The following DPYD variants were observed in gnomAD, a reference collection of about 807,000 sequenced individuals.
DPYD encodes the protein dihydropyrimidine dehydrogenase [NADP(+)].
In DPYD, 109 loss-of-function variants were observed where a neutral mutation model predicts 116.2. The ratio of observed to expected loss-of-function variants is 0.94; its 90% confidence interval spans 0.80 to 1.10. The LOEUF is 1.10. Ranked by LOEUF, DPYD falls within the 50% of genes least tolerant of loss-of-function variation. The pLI is 0.00. For missense variants in DPYD, 1,302 were observed against 1,254.5 expected, an observed-to-expected ratio of 1.04 and a Z score of -0.57; for synonymous variants, 440 against 432.0, an observed-to-expected ratio of 1.02 and a Z score of -0.23.
At chr1:97,901,340 G>A (rs916904793) in intron 1 of DPYD, among the ~76,000 whole-genome samples, 6 of 151,758 alleles carry the variant, frequency 4.0e-5, no homozygotes, top group African/African-American at 7.3e-5. Flanking sequence ...TCAATTTTGC[G>A]CTGGTGCAGC....
intron 13 of DPYD, among the ~76,000 whole-genome samples, chr1:97,457,670 A>C (rs1323388541): frequency 1.3e-5 from 2 of 152,156 alleles, no homozygotes; most frequent in Non-Finnish European, 2.9e-5. Flanking sequence ...AAGTTGTGGG[A>C]GTTCAGGTGA....
chr1:97,132,783 A>G (rs906416080), intron 20 of DPYD, among the ~76,000 whole-genome samples: 2 of 152,102 alleles, frequency 1.3e-5, no homozygotes, highest in African/African-American at 4.8e-5. Flanking sequence ...AATGACTACT[A>G]TTTCATTAGT....
chr1:97,799,379 A>G (rs1048094894), intron 3 of DPYD, among the ~76,000 whole-genome samples: 3 of 152,024 alleles, frequency 2.0e-5, no homozygotes, highest in Admixed American at 2.0e-4. Flanking sequence ...ATGATCAATC[A>G]GCAAGTTTTC....
At position 97,203,412 on chromosome 1, in the gene DPYD, G is replaced by A. The variant is rs138966767; in HGVS notation, c.2443-10164C>T. ...ATACCAGATAGAGTTTGATCACAGAGGAGAAGTCATAATGCCTAGAGAGAA... is the reference window on the plus strand; with the variant it reads ...ATACCAGATAGAGTTTGATCACAGAAGAGAAGTCATAATGCCTAGAGAGAA... On this transcript the variant is annotated intron_variant, in intron 19 of 22. Coordinates refer to ENST00000370192, the MANE Select transcript of DPYD (RefSeq NM_000110.4). Among the ~76,000 whole-genome samples the A allele has an allele frequency of 6.2e-3, 916 of 147,324 alleles. 9 individuals are homozygous for A. Among genetic ancestry groups the A allele is most frequent in the Middle Eastern group, 0.01 (3 of 286 alleles).
At chr1:97,457,931 A>G (rs1290474884) in intron 13 of DPYD, among the ~76,000 whole-genome samples, 2 of 152,174 alleles carry the variant, frequency 1.3e-5, no homozygotes, top group Non-Finnish European at 1.5e-5. Flanking sequence ...TTTAGTGCTG[A>G]TATCAGATGG....
chr1:97,134,011 AAAAATATATATATATATATATATATATAT>A (rs1353190712), intron 20 of DPYD, among the ~76,000 whole-genome samples: 7 of 35,194 alleles, frequency 2.0e-4, no homozygotes, highest in South Asian at 2.2e-3. Context: ...AAAAAAAAAA[AAAAATATATATATATATATATATATATAT>A]ATATATATAT....
intron 8 of DPYD, among the ~76,000 whole-genome samples, chr1:97,648,689 T>C (rs1432422970): frequency 6.6e-6 from 1 of 152,080 alleles, no homozygotes; most frequent in Non-Finnish European, 1.5e-5. Context: ...ATTTGTTTTA[T>C]GCCAGGCATT....
chr1:97,207,875 T>G (rs1202599682), intron 19 of DPYD, among the ~76,000 whole-genome samples: 3 of 152,140 alleles, frequency 2.0e-5, no homozygotes, highest in Non-Finnish European at 4.4e-5. Context: ...AAGAATTCCC[T>G]CTCTATCTTT....
rs570235168 is a variant in DPYD at position 97,775,183 on chromosome 1, T to A, written c.234-34704A>T. Among the ~76,000 whole-genome samples the A allele has an allele frequency of 5.9e-5, 9 of 152,342 alleles. No homozygotes were observed. The South Asian group carries it at 1.9e-3, about 32-fold the overall frequency. Reference sequence around the variant, plus strand: ...AATATTTTCCAGGTTTTTTTCCTAATAGGTTAGATAAATGGTATATTTTCT... The same window carrying A: ...AATATTTTCCAGGTTTTTTTCCTAAAAGGTTAGATAAATGGTATATTTTCT... On this transcript the variant is annotated intron_variant, in intron 3 of 22. Coordinates refer to ENST00000370192, the MANE Select transcript of DPYD (RefSeq NM_000110.4).
rs1161488876 is a variant in DPYD, at chr1:97,840,434, G to A, written c.151-12238C>T. On this transcript the variant is annotated intron_variant, in intron 2 of 22. Transcript: ENST00000370192. ...CATAGAAATAATTTCTGAATAACTG[G>A]TTGAAAATGGAGGTTAACTAGATAC... Among the ~76,000 whole-genome samples the A allele has an allele frequency of 4.6e-5, 7 of 152,012 alleles. No individual in the cohort carries two copies. In the East Asian group the frequency reaches 1.3e-3, roughly 29 times the overall value.
At chr1:97,340,672 T>A (rs1237372643) in intron 16 of DPYD, among the ~76,000 whole-genome samples, 1 of 151,984 alleles carries the variant, frequency 6.6e-6, no homozygotes, top group Non-Finnish European at 1.5e-5. Context: ...TGAGACCCTA[T>A]CTCAAAAAAT....
intron 18 of DPYD, chr1:97,265,447 G>A (rs913448028): frequency 2.6e-5 from 4 of 151,956 alleles, no homozygotes; most frequent in Admixed American, 1.3e-4. Flanking sequence ...AATGCTCTAC[G>A]CTCAGAATTT....
intron 3 of DPYD, among the ~76,000 whole-genome samples, chr1:97,814,196 C>T (rs1472160902): frequency 6.6e-6 from 1 of 152,054 alleles, no homozygotes; most frequent in Non-Finnish European, 1.5e-5. Flanking sequence ...AGCATCAGGT[C>T]CAAGCCTGGA....
intron 1 of DPYD, among the ~76,000 whole-genome samples, chr1:97,885,743 A>C (rs552597115): frequency 6.6e-6 from 1 of 152,232 alleles, no homozygotes; most frequent in East Asian, 1.9e-4. Context: ...ATATGCAAAA[A>C]GAATTGAATT....
At chr1:97,227,493 T>C (rs1270458939) in intron 19 of DPYD, among the ~76,000 whole-genome samples, 1 of 151,988 alleles carries the variant, frequency 6.6e-6, no homozygotes, top group Non-Finnish European at 1.5e-5. Context: ...CATTGCATGC[T>C]TATATTAAAA....
intron 20 of DPYD, among the ~76,000 whole-genome samples, chr1:97,158,582 C>T (rs1482513907): frequency 1.3e-5 from 2 of 150,684 alleles, no homozygotes; most frequent in African/African-American, 2.4e-5. Context: ...GGGGAATTGG[C>T]ACCTGGAAGA....
chr1:97,088,627 A>C (rs577991397), intron 21 of DPYD, among the ~76,000 whole-genome samples: 8 of 151,972 alleles, frequency 5.3e-5, no homozygotes, highest in Non-Finnish European at 1.0e-4. Flanking sequence ...TGCTTCCTCC[A>C]TACTCCACCC....
chr1:97,362,526 G>C (rs1670790092), intron 16 of DPYD, among the ~76,000 whole-genome samples: 1 of 152,092 alleles, frequency 6.6e-6, no homozygotes, highest in African/African-American at 2.4e-5. Context: ...CAAAGCTGGA[G>C]GCATCACACT....
At position 97,408,691 on chromosome 1, in the gene DPYD, G is replaced by T. The variant is rs184527707; in HGVS notation, c.1906-26230C>A. Among the ~76,000 whole-genome samples, 10 of 152,280 alleles carry T rather than the reference G, an allele frequency of 6.6e-5. 1 individual carries two copies. In the East Asian group the frequency reaches 1.9e-3, roughly 29 times the overall value. ...TGTCTGTGAGGATGTTGCCAAAGGA[G>T]ATTAACATTTGATTCAGTGGACTGG... On this transcript the variant is annotated intron_variant, in intron 14 of 22. Coordinates refer to ENST00000370192, the MANE Select transcript of DPYD (RefSeq NM_000110.4).
Sources: gnomAD v4.1 joint callset for allele counts (sites outside exome capture counted in the v4.1 genomes callset) on GRCh38, gnomAD v4.1.1 for gene constraint, MANE v1.5 for transcripts, NCBI Gene and HGNC (gene_info 2026-07-23, HGNC 2026-07-21) for gene names.